The following ASTN2 variants were observed in gnomAD, a reference collection of about 807,000 sequenced individuals.
The protein encoded by ASTN2 is astrotactin-2.
In ASTN2, 54 loss-of-function variants were observed where a neutral mutation model predicts 139.8. The observed-to-expected ratio is 0.39, with a 90% CI of 0.31 to 0.48. The LOEUF (loss-of-function observed/expected upper bound fraction) is 0.48. ASTN2 is among the 20% of genes least tolerant of loss of function. ASTN2 has a pLI of 0.95. For synonymous variants in ASTN2, 756 were observed against 719.5 expected, an observed-to-expected ratio of 1.05 and a Z score of -0.81; for missense variants, 1,565 against 1,725.1, an observed-to-expected ratio of 0.91 and a Z score of 1.64.
intron 22 of ASTN2, chr9:116,437,438 G>C (rs753357759): frequency 1.7e-5 from 8 of 471,406 alleles, no homozygotes; most frequent in South Asian, 1.2e-4. Flanking sequence ...GTGACAGGGT[G>C]GGGAGGTTCG....
chr9:116,848,011 GCT>G (rs1832491246), intron 11 of ASTN2, among the ~76,000 whole-genome samples: 1 of 152,164 alleles, frequency 6.6e-6, no homozygotes, highest in African/African-American at 2.4e-5. Context: ...CAGTGAAGGA[GCT>G]CTCTCTGTTC....
chr9:116,436,325 G>T (rs1847647501), intron 22 of ASTN2, among the ~76,000 whole-genome samples: 1 of 152,134 alleles, frequency 6.6e-6, no homozygotes, highest in East Asian at 1.9e-4. Flanking sequence ...GGGATTGGGT[G>T]GGGTGGAGGG....
At position 116,586,821 on chromosome 9, in the gene ASTN2, CACACATACAT is replaced by C. The variant is rs1315595604; in HGVS notation, c.3355+31493_3355+31502del. Reference sequence around the variant, plus strand: ...AAATACCAGTTGAAATTCACACACACACACATACATACACACACACACACACACACACACA... The same window carrying C: ...AAATACCAGTTGAAATTCACACACACACACACACACACACACACACACACA... On this transcript the variant is annotated intron_variant, in intron 19 of 22. Transcript: ENST00000313400. 5.2e-4 allele frequency among the ~76,000 whole-genome samples: 44 copies of C among 84,422 alleles called. 1 individual carries two copies. The highest frequency in any genetic ancestry group is 2.0e-3 in the East Asian group (7 of 3,434). 55.4% of individuals were successfully genotyped at this position (84,422 alleles called of 152,430 possible). A position where few individuals can be genotyped will look rare whatever the true frequency, so the allele number is the denominator to read the frequency against.
At chr9:117,297,409 G>A (rs993841629) in intron 1 of ASTN2, among the ~76,000 whole-genome samples, 1 of 152,132 alleles carries the variant, frequency 6.6e-6, no homozygotes, top group Non-Finnish European at 1.5e-5. Flanking sequence ...GGAAATAATC[G>A]CAAATACTCA....
intron 10 of ASTN2, among the ~76,000 whole-genome samples, chr9:116,918,456 T>A (rs1834513752): frequency 6.6e-6 from 1 of 152,186 alleles, no homozygotes; most frequent in South Asian, 2.1e-4. Context: ...TCACCATTCT[T>A]TCTCTCCCAG....
chr9:117,193,247 C>T (rs1469373611), intron 3 of ASTN2, among the ~76,000 whole-genome samples: 4 of 152,080 alleles, frequency 2.6e-5, no homozygotes, highest in Admixed American at 6.6e-5. Context: ...ATTTAAAATG[C>T]AAAATTCAAA....
In ASTN2 at chr9:116,747,030, C is replaced by T. The variant is rs115749472; in HGVS notation, c.2397-13507G>A. 7.1e-3 allele frequency among the ~76,000 whole-genome samples: 1,087 copies of T among 152,326 alleles called. 11 individuals are homozygous for T. The highest frequency in any genetic ancestry group is 0.025 in the African/African-American group (1,047 of 41,574). On this transcript the variant is annotated intron_variant, in intron 13 of 22. Transcript: ENST00000313400. The stretch of plus-strand genomic sequence containing the variant: ...CCCTCCCATGGGGCCTAGTCACTGC[C>T]TTATTCATCTCTGCCTCCCTTGCCG...
At chr9:116,435,260 A>G (rs567144625) in intron 22 of ASTN2, among the ~76,000 whole-genome samples, 88 of 152,332 alleles carry the variant, frequency 5.8e-4, no homozygotes, top group African/African-American at 2.1e-3. Context: ...GTAGGTGACA[A>G]GGCTAGGACA....
At chr9:117,132,367 G>A (rs116605596) in intron 4 of ASTN2, among the ~76,000 whole-genome samples, 1,817 of 152,196 alleles carry the variant, frequency 0.012, 42 homozygotes, top group African/African-American at 0.041. Flanking sequence ...AGTTCACTAC[G>A]TTTTAGGTTG....
intron 11 of ASTN2, 26 bp downstream of exon 11, chr9:116,863,556 CA>C (rs1406302417): frequency 9.3e-6 from 15 of 1,610,548 alleles, no homozygotes; most frequent in Non-Finnish European, 1.3e-5. Context: ...GGGCCACTGC[CA>C]TGTTCCCGGG....
chr9:116,845,227 G>A (rs890342716), intron 11 of ASTN2, among the ~76,000 whole-genome samples: 6 of 152,106 alleles, frequency 3.9e-5, no homozygotes, highest in East Asian at 1.9e-4. Flanking sequence ...CCATTCTCCC[G>A]CCTCAGCCTC....
chr9:116,721,998 A>G (rs1828485287), intron 16 of ASTN2, among the ~76,000 whole-genome samples: 1 of 152,180 alleles, frequency 6.6e-6, no homozygotes, highest in South Asian at 2.1e-4. Context: ...ACTTACACAC[A>G]GTGTTCTAGA....
intron 17 of ASTN2, among the ~76,000 whole-genome samples, chr9:116,625,687 C>T (rs193095835): frequency 1.1e-3 from 170 of 152,254 alleles, no homozygotes; most frequent in Non-Finnish European, 2.1e-3. Context: ...TCTCAACCCC[C>T]CTGCACCCCT....
intron 2 of ASTN2, among the ~76,000 whole-genome samples, chr9:117,269,164 G>T (rs1217227482): frequency 6.6e-5 from 10 of 152,138 alleles, no homozygotes; most frequent in South Asian, 4.1e-4. Flanking sequence ...CATTATGGAG[G>T]CCAAATTAAG....
intron 10 of ASTN2, among the ~76,000 whole-genome samples, chr9:116,968,898 C>CAAA (rs34706777): frequency 0.27 from 25,109 of 92,842 alleles, 2,863 homozygotes; most frequent in Admixed American, 0.38. Context: ...GACTCTGTCT[C>CAAA]AAAAAAAAAA....
At chr9:117,372,227 C>T (rs1273418345) in intron 1 of ASTN2, among the ~76,000 whole-genome samples, 1 of 152,188 alleles carries the variant, frequency 6.6e-6, no homozygotes, top group African/African-American at 2.4e-5. Flanking sequence ...ATTAGCCCTG[C>T]ACCTGCCTCT....
chr9:117,188,461 T>A (rs1831264112), intron 3 of ASTN2, among the ~76,000 whole-genome samples: 2 of 152,092 alleles, frequency 1.3e-5, no homozygotes, highest in Admixed American at 6.5e-5. Context: ...AGTGGGGCTA[T>A]CATCTCCATT....
chr9:116,682,962 CACATGTAT>C (rs1859978179), intron 16 of ASTN2, among the ~76,000 whole-genome samples: 1 of 151,376 alleles, frequency 6.6e-6, no homozygotes, highest in Admixed American at 6.6e-5. Context: ...ACCAGCATGG[CACATGTAT>C]ACATAGGTAA....
intron 5 of ASTN2, among the ~76,000 whole-genome samples, chr9:117,057,085 T>C (rs1280868093): frequency 6.6e-6 from 1 of 152,206 alleles, no homozygotes; most frequent in Non-Finnish European, 1.5e-5. Flanking sequence ...CTTAATTTCT[T>C]TATGCATGTA....
Sources: allele counts gnomAD v4.1 joint callset (sites outside exome capture counted in the v4.1 genomes callset), GRCh38; gene constraint gnomAD v4.1.1; transcripts MANE v1.5; gene names NCBI Gene and HGNC (gene_info 2026-07-23, HGNC 2026-07-21).